CFAP90: variants seen among roughly 807,000 people sequenced by gnomAD.
The protein encoded by CFAP90 is cilia and flagella associated protein 90.
the CFAP90 span, among the ~76,000 whole-genome samples, chr5:7,842,180 T>C: frequency 6.6e-6 from 1 of 151,854 alleles, no homozygotes; most frequent in South Asian, 2.1e-4. Flanking sequence ...TCCCAGAAGT[T>C]GCACACAAAT....
At chr5:7,849,946 C>T in the CFAP90 span, among the ~76,000 whole-genome samples, 1 of 152,092 alleles carries the variant, frequency 6.6e-6, no homozygotes. Flanking sequence ...CTGGGCGGCC[C>T]CGGCTTCCCG....
the CFAP90 span, chr5:7,850,776 G>A: frequency 1.0e-6 from 1 of 993,926 alleles, no homozygotes; most frequent in Non-Finnish European, 1.2e-6. Context: ...CTCCGCGGCC[G>A]CCCGCCCCTG....
At chr5:7,833,510 C>T in the CFAP90 span, among the ~76,000 whole-genome samples, 2 of 152,086 alleles carry the variant, frequency 1.3e-5, 1 homozygote, top group Middle Eastern at 6.8e-3. Context: ...TACACACATG[C>T]ATATACACAA....
At chr5:7,841,038 C>G in the CFAP90 span, among the ~76,000 whole-genome samples, 1 of 152,112 alleles carries the variant, frequency 6.6e-6, no homozygotes, top group Non-Finnish European at 1.5e-5. Flanking sequence ...AAAGAAACTA[C>G]GAACTGCATA....
the CFAP90 span, among the ~76,000 whole-genome samples, chr5:7,839,941 C>G: frequency 6.6e-6 from 1 of 152,280 alleles, no homozygotes; most frequent in Admixed American, 6.5e-5. Flanking sequence ...GGAAATCTGT[C>G]TTTTCCCAGG....
the CFAP90 span, chr5:7,830,814 C>T: frequency 6.6e-6 from 1 of 152,164 alleles, no homozygotes; most frequent in Non-Finnish European, 1.5e-5. Flanking sequence ...CCAAGGGATC[C>T]ATTCATTAAA....
At chr5:7,835,520 A>C in the CFAP90 span, 3 of 1,386,848 alleles carry the variant, frequency 2.2e-6, no homozygotes, top group Non-Finnish European at 3.0e-6. Context: ...AAGAGAAAGA[A>C]AGCCATGGGT....
At chr5:7,836,363 A>G in the CFAP90 span, among the ~76,000 whole-genome samples, 2 of 152,198 alleles carry the variant, frequency 1.3e-5, no homozygotes, top group Non-Finnish European at 2.9e-5. Context: ...TTAAGTCGCT[A>G]GTGCAGGAGC....
the CFAP90 span, chr5:7,831,749 G>A: frequency 1.3e-4 from 156 of 1,168,878 alleles, no homozygotes; most frequent in Middle Eastern, 8.9e-4. Context: ...GCTCCTAGGC[G>A]TCATGAGAAG....
the CFAP90 span, among the ~76,000 whole-genome samples, chr5:7,839,154 C>G: frequency 1.3e-4 from 20 of 152,216 alleles, no homozygotes; most frequent in African/African-American, 4.6e-4. Context: ...GACTCATTCA[C>G]TAACGCAGTA....
At chr5:7,840,632 C>T in the CFAP90 span, among the ~76,000 whole-genome samples, 1 of 152,114 alleles carries the variant, frequency 6.6e-6, no homozygotes, top group African/African-American at 2.4e-5. Context: ...TACTTAGAAC[C>T]ACTGCCGAAC....
the CFAP90 span, among the ~76,000 whole-genome samples, chr5:7,850,138 G>A: frequency 3.6e-3 from 550 of 152,202 alleles, 2 homozygotes; most frequent in Non-Finnish European, 3.5e-3. Flanking sequence ...TCGCGCACCC[G>A]GCTTCTCCCA....
chr5:7,845,804 T>A, the CFAP90 span, among the ~76,000 whole-genome samples: 1 of 151,998 alleles, frequency 6.6e-6, no homozygotes, highest in Non-Finnish European at 1.5e-5. Flanking sequence ...CAGCTTTAGA[T>A]GACAAATTTG....
At chr5:7,847,910 A>G in the CFAP90 span, among the ~76,000 whole-genome samples, 11 of 152,202 alleles carry the variant, frequency 7.2e-5, no homozygotes, top group Non-Finnish European at 1.6e-4. Context: ...TCTTATTTAC[A>G]GGATCCCTCA....
chr5:7,833,475 T>C, the CFAP90 span, among the ~76,000 whole-genome samples: 1 of 148,646 alleles, frequency 6.7e-6, no homozygotes, highest in Non-Finnish European at 1.5e-5. Context: ...TGCACACACA[T>C]ATACACACAT....
chr5:7,836,569 G>A, the CFAP90 span, among the ~76,000 whole-genome samples: 5 of 152,298 alleles, frequency 3.3e-5, no homozygotes, highest in East Asian at 1.9e-4. Flanking sequence ...GGGGAAATGC[G>A]GATGATTTTA....
the CFAP90 span, chr5:7,832,074 C>T: frequency 3.2e-6 from 5 of 1,571,994 alleles, no homozygotes; most frequent in Non-Finnish European, 4.3e-6. Flanking sequence ...ACTGCATTCG[C>T]CAGCACAGCT....
chr5:7,835,518 GA>G, the CFAP90 span: 1 of 1,404,074 alleles, frequency 7.1e-7, no homozygotes, highest in Non-Finnish European at 9.9e-7. Context: ...AAAAGAGAAA[GA>G]AAGCCATGGG....
chr5:7,841,945 C>CA, the CFAP90 span, among the ~76,000 whole-genome samples: 1 of 151,922 alleles, frequency 6.6e-6, no homozygotes, highest in South Asian at 2.1e-4. Context: ...ACGTATGTAA[C>CA]AAACCTACAT....
Sources: gnomAD v4.1 joint callset for allele counts (sites outside exome capture counted in the v4.1 genomes callset) on GRCh38, gnomAD v4.1.1 for gene constraint, MANE v1.5 for transcripts, NCBI Gene and HGNC (gene_info 2026-07-23, HGNC 2026-07-21) for gene names.